The following DKK3 variants were observed in gnomAD, a reference collection of about 807,000 sequenced individuals.
DKK3 encodes the protein dickkopf-related protein 3.
Under a neutral mutation model 33.2 loss-of-function variants are expected in DKK3, and 22 were observed. The observed-to-expected ratio is 0.66, with a 90% CI of 0.47 to 0.95. The LOEUF (loss-of-function observed/expected upper bound fraction) is 0.95, where lower values mean the gene tolerates loss of function less well. Ranked by LOEUF, DKK3 falls within the 40% of genes least tolerant of loss-of-function variation. DKK3 has a pLI of 0.00. For synonymous variants in DKK3, 194 were observed against 188.8 expected (o/e 1.03, Z -0.23); for missense variants, 398 against 458.4 (o/e 0.87, Z 1.20).
Position 11,967,203 on chromosome 11 carries a change from T to C in DKK3, c.529-105A>G, listed in dbSNP as rs892264489. On this transcript the variant is annotated intron_variant, in intron 4 of 6. Transcript: ENST00000683431. ...AGATAGGCCAACCTGCATCCTCCCATTGTAGAGACAGGCAGACCAGGCTGA... is the reference window on the plus strand; with the variant it reads ...AGATAGGCCAACCTGCATCCTCCCACTGTAGAGACAGGCAGACCAGGCTGA... 2.2e-6 allele frequency: 3 copies of C among 1,379,520 alleles called. No individual in the cohort carries two copies. The East Asian group carries it at 7.1e-5, about 33-fold the overall frequency. 85.5% of individuals were successfully genotyped at this position (1,379,520 alleles called of 1,614,324 possible). A position where few individuals can be genotyped will look rare whatever the true frequency, so the allele number is the denominator to read the frequency against.
At chr11:11,978,933 G>C (rs904014057) in intron 3 of DKK3, 1 of 152,216 alleles carries the variant, frequency 6.6e-6, no homozygotes, top group African/African-American at 2.4e-5. Flanking sequence ...AAGTCACACA[G>C]CTAGTGAGTG....
chr11:12,008,049 C>T lies in DKK3; in HGVS notation c.213+321G>A, dbSNP rs1848574285. Reference sequence around the variant, plus strand: ...GCTGGAATACCAGGGGCCCTGCAAACCTCTGCTGACAATAGGGAAGGCCAA... The same window carrying T: ...GCTGGAATACCAGGGGCCCTGCAAATCTCTGCTGACAATAGGGAAGGCCAA... On this transcript the variant is annotated intron_variant, in intron 1 of 6. Coordinates refer to ENST00000683431, the MANE Select transcript of DKK3 (RefSeq NM_001018057.2). The surrounding 1 kb of genome is among the most constrained non-coding windows in gnomAD (Gnocchi z 4.6). 1.3e-5 allele frequency among the ~76,000 whole-genome samples: 2 copies of T among 152,264 alleles called. No individual in the cohort carries two copies. The highest frequency in any genetic ancestry group is 4.8e-5 in the African/African-American group (2 of 41,564).
In DKK3 at chr11:12,008,614, T is replaced by C; in HGVS notation, c.-32A>G. ...TCTGCGCCCGCAGCCGCCGCCTGTG[T>C]GTCCCGGAACGCGATCAGAGGCGCG... On this transcript the variant is annotated 5_prime_UTR_variant, in exon 1 of 7. Transcript: ENST00000683431. This position sits in a 1 kb window ranked among gnomAD's most constrained non-coding sequence, Gnocchi z 4.6. The C allele has an allele frequency of 7.3e-7, 1 of 1,366,850 alleles. No individual in the cohort carries two copies. The highest frequency in any genetic ancestry group is 1.8e-5 in the South Asian group (1 of 55,668). 84.7% of individuals were successfully genotyped at this position (1,366,850 alleles called of 1,614,324 possible).
At chr11:11,974,256 C>G (rs1010483025) in intron 3 of DKK3, among the ~76,000 whole-genome samples, 3 of 152,268 alleles carry the variant, frequency 2.0e-5, no homozygotes, top group African/African-American at 7.2e-5. Flanking sequence ...AAAGCGCCAA[C>G]CAGTTGCCTG....
At chr11:11,980,274 A>G (rs1192307701) in intron 3 of DKK3, among the ~76,000 whole-genome samples, 1 of 152,210 alleles carries the variant, frequency 6.6e-6, no homozygotes, top group African/African-American at 2.4e-5. Context: ...TTTACACATT[A>G]GTGAGGTCAG....
At chr11:11,966,672 T>G in intron 5 of DKK3, among the ~76,000 whole-genome samples, 1 of 150,898 alleles carries the variant, frequency 6.6e-6, no homozygotes. Flanking sequence ...AAATAAGGAG[T>G]GGTGGGAGGG....
At chr11:11,967,214 G>C in intron 4 of DKK3, 116 bp from the exon 5 acceptor site, 4 of 1,274,140 alleles carry the variant, frequency 3.1e-6, no homozygotes, top group Non-Finnish European at 4.3e-6. Flanking sequence ...TGTAGAGACA[G>C]GCAGACCAGG....
At chr11:11,998,380 C>T in intron 3 of DKK3, 2 of 450,496 alleles carry the variant, frequency 4.4e-6, no homozygotes, top group South Asian at 2.5e-5. Flanking sequence ...ACCTGATATA[C>T]CAGGTCTGTC....
At chr11:11,997,945 G>A (rs1176373064) in intron 3 of DKK3, among the ~76,000 whole-genome samples, 1 of 152,014 alleles carries the variant, frequency 6.6e-6, no homozygotes, top group African/African-American at 2.4e-5. Context: ...CTGGCTTCCT[G>A]CGGTCTTCAT....
At chr11:11,980,731 T>C (rs895771453) in intron 3 of DKK3, among the ~76,000 whole-genome samples, 2 of 151,970 alleles carry the variant, frequency 1.3e-5, no homozygotes, top group African/African-American at 4.8e-5. Context: ...GCTGGAGTGA[T>C]GAAGAGAGGA....
chr11:11,971,687 T>G (rs1847728232), intron 3 of DKK3, among the ~76,000 whole-genome samples: 1 of 152,244 alleles, frequency 6.6e-6, no homozygotes, highest in Non-Finnish European at 1.5e-5. Context: ...TCTTCTAGCA[T>G]CAATTCCTAT....
chr11:11,991,875 G>A (rs12271086), intron 3 of DKK3, among the ~76,000 whole-genome samples: 249 of 152,322 alleles, frequency 1.6e-3, no homozygotes, highest in African/African-American at 5.7e-3. Context: ...TGTCTCCCAA[G>A]CAAGTCTTCC....
At chr11:11,998,909 C>T (rs1261961222) in intron 2 of DKK3, 130 bp from the exon 3 acceptor site, 4 of 745,428 alleles carry the variant, frequency 5.4e-6, no homozygotes, top group African/African-American at 5.3e-5. Flanking sequence ...ATGCCCACCC[C>T]GCTTTCTTTC....
At chr11:11,980,270 C>T (rs1847928241) in intron 3 of DKK3, among the ~76,000 whole-genome samples, 1 of 152,258 alleles carries the variant, frequency 6.6e-6, no homozygotes, top group South Asian at 2.1e-4. Context: ...TTGGTTTACA[C>T]ATTAGTGAGG....
intron 3 of DKK3, among the ~76,000 whole-genome samples, chr11:11,981,419 T>C (rs1336267400): frequency 6.6e-6 from 1 of 152,186 alleles, no homozygotes; most frequent in Non-Finnish European, 1.5e-5. Flanking sequence ...ACCATCCCCA[T>C]GGTACCTGTC....
At chr11:11,997,501 G>T (rs1011342355) in intron 3 of DKK3, among the ~76,000 whole-genome samples, 1 of 152,106 alleles carries the variant, frequency 6.6e-6, no homozygotes, top group Admixed American at 6.5e-5. Flanking sequence ...CCTTGTCTTC[G>T]TTTCAGAGGC....
intron 3 of DKK3, among the ~76,000 whole-genome samples, chr11:11,988,251 T>C (rs1251247749): frequency 6.6e-6 from 1 of 152,188 alleles, no homozygotes; most frequent in African/African-American, 2.4e-5. Flanking sequence ...AACAAACATT[T>C]AGATGACTCA....
rs1008807413 is a variant in DKK3 at position 12,004,176 on chromosome 11, A to G, written c.214-1739T>C. Among the ~76,000 whole-genome samples the G allele has an allele frequency of 2.0e-4, 30 of 152,192 alleles. 1 individual carries two copies. Among genetic ancestry groups the G allele is most frequent in the Admixed American group, 2.0e-3 (30 of 15,278 alleles). On this transcript the variant is annotated intron_variant, in intron 1 of 6. Transcript: ENST00000683431. ...GTCCAAAAGTTTAAAAAATTGAAATATCTGGATCCCTTCATGGACCCGCTG... is the reference window on the plus strand; with the variant it reads ...GTCCAAAAGTTTAAAAAATTGAAATGTCTGGATCCCTTCATGGACCCGCTG...
At chr11:12,006,967 T>C (rs927565644) in intron 1 of DKK3, among the ~76,000 whole-genome samples, 10 of 152,160 alleles carry the variant, frequency 6.6e-5, no homozygotes, top group Non-Finnish European at 1.0e-4. Flanking sequence ...TAAGAGACAT[T>C]GGGGCCTATC....
Sources: gnomAD v4.1 joint callset for allele counts (sites outside exome capture counted in the v4.1 genomes callset) on GRCh38, gnomAD v4.1.1 for gene constraint, Gnocchi (gnomAD v3.1) non-coding constraint, MANE v1.5 for transcripts, NCBI Gene and HGNC (gene_info 2026-07-23, HGNC 2026-07-21) for gene names.